SLC1A5: variants seen among roughly 807,000 people sequenced by gnomAD.
SLC1A5 encodes the protein solute carrier family 1 member 5.
In SLC1A5, 25 loss-of-function variants were observed where a neutral mutation model predicts 34.9. The observed-to-expected ratio is 0.72, with a 90% confidence interval of 0.52 to 1.00. SLC1A5 has a LOEUF of 1.00. Among genes scored for constraint, SLC1A5 ranks in the 50% least tolerant of loss-of-function variants. The pLI is 0.00. For missense variants in SLC1A5, 637 were observed against 740.0 expected (o/e 0.86, Z 1.61); for synonymous variants, 351 against 341.2 (o/e 1.03, Z -0.32).
intron 4 of SLC1A5, 33 bp downstream of exon 4, chr19:46,782,342 TCCAACCCC>T: frequency 3.8e-6 from 2 of 523,372 alleles, no homozygotes; most frequent in East Asian, 4.0e-5. Context: ...AGACCGACCC[TCCAACCCC>T]ACCCACCCCC....
chr19:46,779,146 C>G (rs548592182), intron 4 of SLC1A5, among the ~76,000 whole-genome samples: 2 of 152,200 alleles, frequency 1.3e-5, no homozygotes, highest in East Asian at 3.9e-4. Flanking sequence ...CCGTGCAGGC[C>G]GGGCACGGTG....
chr19:46,776,965 C>T lies in SLC1A5; in HGVS notation c.1388+10G>A. On this transcript the variant is annotated intron_variant, in intron 7 of 7. Transcript: ENST00000542575. ...CCTGGCCCTGCCCCAGTCTCCAGAC[C>T]CACACTCACACTAGCCAGTCCACAG... The T allele has an allele frequency of 1.2e-6, 2 of 1,612,668 alleles. No homozygotes were observed. Among genetic ancestry groups the T allele is most frequent in the Non-Finnish European group, 1.7e-6 (2 of 1,179,304 alleles).
At position 46,775,996 on chromosome 19, in the gene SLC1A5, G is replaced by A. The variant is rs1323530002; in HGVS notation, c.1389-249C>T. On this transcript the variant is annotated intron_variant, in intron 7 of 7. Coordinates refer to ENST00000542575, the MANE Select transcript of SLC1A5 (RefSeq NM_005628.3). ...CTCAGGAGGCTGGGGCAGGAGGATC[G>A]CTGGAGCCTGGGAGGTGGAGGCTGC... Among the ~76,000 whole-genome samples the A allele has an allele frequency of 4.6e-5, 7 of 151,810 alleles. No individual in the cohort carries two copies. The South Asian group carries it at 1.0e-3, about 23-fold the overall frequency.
rs1402413058 is a variant in SLC1A5, at chr19:46,777,003, A to T, written c.1360T>A (p.Ser454Thr). 2 of 1,613,908 alleles carry T rather than the reference A, an allele frequency of 1.2e-6. No individual in the cohort carries two copies. Among genetic ancestry groups the T allele is most frequent in the Middle Eastern group, 1.6e-4 (1 of 6,062 alleles). Residue 454 changes from serine (S) to threonine (T), a missense_variant, in exon 7 of 8, where the codon TCC becomes ACC. By Grantham distance (58) the Ser-to-Thr change is moderately conservative. Transcript: ENST00000542575. ...AGCCAGTCCACAGCCAGGATCAAGG[A>T]GATATGGTCGACCGGGAGGTTGACT... ...EAVNLPVDHISLILAVDWLVD... is the reference protein window; with the variant it reads ...EAVNLPVDHITLILAVDWLVD...
chr19:46,784,161 G>A lies in SLC1A5; in HGVS notation c.610-17C>T. The A allele has an allele frequency of 6.2e-7, 1 of 1,606,236 alleles. No individual in the cohort carries two copies. Among genetic ancestry groups the A allele is most frequent in the Non-Finnish European group, 8.5e-7 (1 of 1,173,208 alleles). On this transcript the variant is annotated splice_polypyrimidine_tract_variant and intron_variant, in intron 2 of 7. Coordinates refer to ENST00000542575, the MANE Select transcript of SLC1A5 (RefSeq NM_005628.3). ...GGTAGAGTACTGTAGGTGGGGTTGG[G>A]AAGAGTCAGTGTCCATCGTTACCAG...
chr19:46,781,491 G>A (rs113672210), intron 4 of SLC1A5, among the ~76,000 whole-genome samples: 6,472 of 152,190 alleles, frequency 0.043, 432 homozygotes, highest in African/African-American at 0.14. Context: ...CCAGCTACTC[G>A]GGAGACTGAA....
rs1361099420 is a variant in SLC1A5, at chr19:46,787,648, C to T, written c.318G>A (p.Pro106=). Residue 106 remains proline (P), a synonymous_variant, in exon 1 of 8, where the codon CCG becomes CCA. Coordinates refer to ENST00000542575, the MANE Select transcript of SLC1A5 (RefSeq NM_005628.3). The surrounding 1 kb of genome is among the most constrained non-coding windows in gnomAD (Gnocchi z 5.2). The part of the protein sequence containing the change: ...LLRLLRMIIL[P]LVVCSLIGGA... Reference sequence around the variant, plus strand: ...CGCCGATCAAGCTGCACACCACCAGCGGCAAGATGATCATCCGCAGCAGAC... The same window carrying T: ...CGCCGATCAAGCTGCACACCACCAGTGGCAAGATGATCATCCGCAGCAGAC... 2 of 1,586,848 alleles carry T rather than the reference C, an allele frequency of 1.3e-6. No individual in the cohort carries two copies. Among genetic ancestry groups the T allele is most frequent in the Admixed American group, 3.5e-5 (2 of 56,550 alleles).
In SLC1A5 at chr19:46,778,903, G is replaced by A; in HGVS notation, c.830C>T (p.Ala277Val). The change falls in exon 5 of 8, where the codon GCC becomes GTC. Residue 277 changes from alanine to valine, a missense_variant. By Grantham distance (64) the Ala-to-Val change is moderately conservative. Transcript: ENST00000542575. ...MVLVSWIMWY[A>V]PVGIMFLVAG... ...CACCAGGAACATGATGCCCACAGGG[G>A]CGTACCTGATCAGTAACACAGGAGA... 2 of 1,558,634 alleles carry A rather than the reference G, an allele frequency of 1.3e-6. No individual in the cohort carries two copies. The highest frequency in any genetic ancestry group is 1.2e-5 in the South Asian group (1 of 80,902).
At position 46,775,471 on chromosome 19, in the gene SLC1A5, G is replaced by A; in HGVS notation, c.*39C>T. The A allele has an allele frequency of 6.4e-7, 1 of 1,570,370 alleles. No homozygotes were observed. The highest frequency in any genetic ancestry group is 1.4e-5 in the African/African-American group (1 of 73,954). On this transcript the variant is annotated 3_prime_UTR_variant, in exon 8 of 8. Coordinates refer to ENST00000542575, the MANE Select transcript of SLC1A5 (RefSeq NM_005628.3). ...CATTCCTCATAATCCAGTGTCCAAA[G>A]AGCACCCCCAGCAGGGCAGGGAAGG...
chr19:46,786,664 C>T (rs2055188633), intron 1 of SLC1A5, among the ~76,000 whole-genome samples: 1 of 152,176 alleles, frequency 6.6e-6, no homozygotes, highest in Non-Finnish European at 1.5e-5. Context: ...CTCTGCCCCC[C>T]GCCCTCCTCA....
At chr19:46,781,834 C>T (rs2055148448) in intron 4 of SLC1A5, among the ~76,000 whole-genome samples, 1 of 152,098 alleles carries the variant, frequency 6.6e-6, no homozygotes, top group East Asian at 1.9e-4. Context: ...ATATTAGCTA[C>T]TAGGATTTAC....
At chr19:46,778,597 C>A in intron 5 of SLC1A5, 78 bp downstream of exon 5, 2 of 1,036,714 alleles carry the variant, frequency 1.9e-6, no homozygotes, top group South Asian at 1.4e-5. Context: ...ATACAATGTC[C>A]CGGGCAGAGA....
At position 46,775,676 on chromosome 19, in the gene SLC1A5, T is replaced by G; in HGVS notation, c.1460A>C (p.Asp487Ala). 1 of 1,613,994 alleles carries G rather than the reference T, an allele frequency of 6.2e-7. No individual in the cohort carries two copies. Among genetic ancestry groups the G allele is most frequent in the Non-Finnish European group, 8.5e-7 (1 of 1,179,972 alleles). ...CTCTGTGCTTCTCGACTCCGTACGG[T>G]CCACGTAATTTTGGAGGAGTCCTGC... is the stretch of plus-strand genomic sequence containing the variant. The part of the protein sequence containing the change: ...LGAGLLQNYV[D>A]RTESRSTEPE... The change falls in exon 8 of 8, where the codon GAC (aspartate) becomes GCC (alanine). Residue 487 changes from aspartate (D) to alanine (A), a missense_variant. Coordinates refer to ENST00000542575, the MANE Select transcript of SLC1A5 (RefSeq NM_005628.3).
chr19:46,782,343 C>CCCAACCCCCCCCCCCCCCCCCCCCA, intron 4 of SLC1A5, 40 bp downstream of exon 4: 1 of 459,574 alleles, frequency 2.2e-6, no homozygotes. Flanking sequence ...GACCGACCCT[C>CCCAACCCCCCCCCCCCCCCCCCCCA]CAACCCCACC....
At position 46,775,628 on chromosome 19, in the gene SLC1A5, C is replaced by A; in HGVS notation, c.1508G>T (p.Ser503Ile). Residue 503 changes from serine (S) to isoleucine (I), a missense_variant, in exon 8 of 8, where the codon AGT (serine) becomes ATT (isoleucine). Physicochemically the swap from Ser to Ile is moderately radical, Grantham distance 142. Coordinates refer to ENST00000542575, the MANE Select transcript of SLC1A5 (RefSeq NM_005628.3). ...STEPELIQVK[S>I]ELPLDPLPVP... ...TGGCAGCGGATCCAGGGGCAGCTCA[C>A]TCTTCACTTGTATCAACTCAGGCTC... 1 of 1,614,188 alleles carries A rather than the reference C, an allele frequency of 6.2e-7. No homozygotes were observed. Among genetic ancestry groups the A allele is most frequent in the Non-Finnish European group, 8.5e-7 (1 of 1,180,036 alleles).
At position 46,784,936 on chromosome 19, in the gene SLC1A5, C is replaced by T. The variant is rs919838680; in HGVS notation, c.567-377G>A. 10 of 1,198,702 alleles carry T rather than the reference C, an allele frequency of 8.3e-6. No homozygotes were observed. The African/African-American group carries it at 1.6e-4, about 19-fold the overall frequency. The allele number at this position is 1,198,702 out of a possible 1,614,324, so 74.3% of individuals were successfully genotyped here. A position where few individuals can be genotyped will look rare whatever the true frequency, so the allele number is the denominator to read the frequency against. On this transcript the variant is annotated intron_variant, in intron 1 of 7. Transcript: ENST00000542575. ...AGCCACTTCCTCCTGGAGGGCCTGCCAGCGGCTCTGAGAGTATGGGGGAGG... is the reference window on the plus strand; with the variant it reads ...AGCCACTTCCTCCTGGAGGGCCTGCTAGCGGCTCTGAGAGTATGGGGGAGG...
Position 46,778,830 on chromosome 19 carries a change from G to T in SLC1A5, c.903C>A (p.Arg301=), listed in dbSNP as rs1345890464. ...GGCAGCACAGAATGTACTTGCCAAG[G>T]CGGGCAAAGAGTAAACCCACATCCT... The part of the protein sequence containing the change: ...EMEDVGLLFA[R]LGKYILCCLL... Residue 301 remains arginine (R), a synonymous_variant, in exon 5 of 8, where the codon CGC becomes CGA. Coordinates refer to ENST00000542575, the MANE Select transcript of SLC1A5 (RefSeq NM_005628.3). The T allele has an allele frequency of 2.5e-6, 4 of 1,611,004 alleles. No individual in the cohort carries two copies. Among genetic ancestry groups the T allele is most frequent in the Non-Finnish European group, 2.5e-6 (3 of 1,178,522 alleles).
chr19:46,784,070 G>A lies in SLC1A5; in HGVS notation c.657+27C>T. The A allele has an allele frequency of 1.3e-6, 2 of 1,594,938 alleles. 1 individual carries two copies. The highest frequency in any genetic ancestry group is 1.7e-6 in the Non-Finnish European group (2 of 1,163,038). On this transcript the variant is annotated intron_variant, in intron 3 of 7. Coordinates refer to ENST00000542575, the MANE Select transcript of SLC1A5 (RefSeq NM_005628.3). ...TTATAGCAATAGGCAAAGAGGTAGAGCCCCCGCTGCCTCCCACTGCTCTCA... is the reference window on the plus strand; with the variant it reads ...TTATAGCAATAGGCAAAGAGGTAGAACCCCCGCTGCCTCCCACTGCTCTCA...
Position 46,787,634 on chromosome 19 carries a change from C to G in SLC1A5, c.332G>C (p.Ser111Thr), listed in dbSNP as rs1387912190. The change falls in exon 1 of 8, where the codon AGC becomes ACC. Residue 111 changes from serine (S) to threonine (T), a missense_variant. Physicochemically the swap from Ser to Thr is moderately conservative, Grantham distance 58. Transcript: ENST00000542575. This position sits in a 1 kb window ranked among gnomAD's most constrained non-coding sequence, Gnocchi z 5.2. ...CAGGCTGGCGGCGCCGCCGATCAAGCTGCACACCACCAGCGGCAAGATGAT... is the reference window on the plus strand; with the variant it reads ...CAGGCTGGCGGCGCCGCCGATCAAGGTGCACACCACCAGCGGCAAGATGAT... ...RMIILPLVVC[S>T]LIGGAASLDP... The G allele has an allele frequency of 1.3e-6, 2 of 1,578,834 alleles. No individual in the cohort carries two copies. Among genetic ancestry groups the G allele is most frequent in the Non-Finnish European group, 8.6e-7 (1 of 1,165,668 alleles).
Sources: allele counts gnomAD v4.1 joint callset (sites outside exome capture counted in the v4.1 genomes callset), GRCh38; gene constraint gnomAD v4.1.1; non-coding constraint Gnocchi (gnomAD v3.1); transcripts MANE v1.5; gene names NCBI Gene and HGNC (gene_info 2026-07-23, HGNC 2026-07-21).